Variants in NBAS observed in about 807,000 individuals in gnomAD.
NBAS encodes NBAS subunit of NRZ tethering complex.
In NBAS, 219 loss-of-function variants were observed where a neutral mutation model predicts 302.5. That is an observed-to-expected ratio of 0.72 (90% confidence interval 0.65 to 0.81). The LOEUF is 0.81. Ranked by LOEUF, NBAS falls within the 30% of genes least tolerant of loss-of-function variation. The pLI is 0.00. For synonymous variants in NBAS, 1,118 were observed against 1,021.6 expected (o/e 1.09, Z -1.80); for missense variants, 2,932 against 2,841.6 (o/e 1.03, Z -0.72).
At chr2:15,323,931 T>G (rs1671944689) in intron 38 of NBAS, among the ~76,000 whole-genome samples, 1 of 145,604 alleles carries the variant, frequency 6.9e-6, no homozygotes, top group African/African-American at 2.5e-5. Context: ...AAAAATCACC[T>G]ACAACGGATT....
At chr2:14,979,853 T>C in the NBAS span, among the ~76,000 whole-genome samples, 1 of 152,290 alleles carries the variant, frequency 6.6e-6, no homozygotes, top group Admixed American at 6.5e-5. Context: ...TGTAGGCCTG[T>C]AATTGTAACC....
chr2:15,441,311 G>T (rs1458707736), intron 21 of NBAS, among the ~76,000 whole-genome samples: 6 of 152,164 alleles, frequency 3.9e-5, no homozygotes, highest in African/African-American at 1.4e-4. Context: ...GGATCTCTCG[G>T]CAGAAACTCT....
At chr2:14,972,399 A>G in the NBAS span, among the ~76,000 whole-genome samples, 1 of 152,064 alleles carries the variant, frequency 6.6e-6, no homozygotes, top group South Asian at 2.1e-4. Context: ...AATGTTCTGC[A>G]CATGTGTCCC....
chr2:15,247,706 A>ATACCTCTATC (rs1553352029), intron 44 of NBAS, among the ~76,000 whole-genome samples: 1 of 90,942 alleles, frequency 1.1e-5, no homozygotes, highest in Non-Finnish European at 2.0e-5. Flanking sequence ...ATATCTCTCT[A>ATACCTCTATC]TATATATCTA....
the NBAS span, among the ~76,000 whole-genome samples, chr2:15,113,732 CTAAA>C: frequency 6.6e-6 from 1 of 151,770 alleles, no homozygotes; most frequent in Non-Finnish European, 1.5e-5. Context: ...TTGAAAATTA[CTAAA>C]TAAACGGAAT....
intron 41 of NBAS, among the ~76,000 whole-genome samples, chr2:15,290,044 G>GAGGGGAGAGGGGAC (rs1670233257): frequency 2.7e-5 from 4 of 149,908 alleles, no homozygotes; most frequent in Non-Finnish European, 5.9e-5. Flanking sequence ...GAGAGGAGAA[G>GAGGGGAGAGGGGAC]AGGGGAGAGG....
chr2:15,058,895 C>A, the NBAS span, among the ~76,000 whole-genome samples: 1 of 152,180 alleles, frequency 6.6e-6, no homozygotes, highest in East Asian at 1.9e-4. Flanking sequence ...AAGGCCAAAT[C>A]CCTTAGGTTT....
the NBAS span, among the ~76,000 whole-genome samples, chr2:15,095,262 C>G: frequency 6.6e-6 from 1 of 152,146 alleles, no homozygotes. Context: ...AAGACATACC[C>G]AAGACTGGGT....
rs558345111 is a variant in NBAS at position 15,302,428 on chromosome 2, T to G, written c.4797+5788A>C. Among the ~76,000 whole-genome samples, 7 of 152,308 alleles carry G rather than the reference T, an allele frequency of 4.6e-5. No homozygotes were observed. In the East Asian group the frequency reaches 1.4e-3, roughly 29 times the overall value. Reference sequence around the variant, plus strand: ...TCAGGCATCATCACTGGGCCCCATGTACTGTACTGGCTTCTGTTCCCACAG... The same window carrying G: ...TCAGGCATCATCACTGGGCCCCATGGACTGTACTGGCTTCTGTTCCCACAG... On this transcript the variant is annotated intron_variant, in intron 40 of 51. Transcript: ENST00000281513.
intron 25 of NBAS, among the ~76,000 whole-genome samples, chr2:15,407,680 G>T (rs1282693231): frequency 6.6e-6 from 1 of 152,100 alleles, no homozygotes; most frequent in Admixed American, 6.5e-5. Context: ...CAATTACACA[G>T]GTGTTCTCTT....
At chr2:15,083,692 T>C in the NBAS span, among the ~76,000 whole-genome samples, 2 of 152,190 alleles carry the variant, frequency 1.3e-5, no homozygotes, top group Non-Finnish European at 2.9e-5. Context: ...TTGTTCCAAA[T>C]TGGTATGGAT....
the NBAS span, among the ~76,000 whole-genome samples, chr2:15,095,281 A>G: frequency 1.7e-3 from 258 of 152,324 alleles, no homozygotes; most frequent in Middle Eastern, 6.8e-3. Context: ...GTAATTTACA[A>G]AAGAAAGAGG....
the NBAS span, among the ~76,000 whole-genome samples, chr2:14,838,598 T>C: frequency 3.3e-5 from 5 of 152,034 alleles, no homozygotes; most frequent in Non-Finnish European, 7.4e-5. Flanking sequence ...CATTGTCTTG[T>C]CTGTTGATGT....
chr2:15,415,788 C>G, intron 24 of NBAS, 69 bp from the exon 25 acceptor site: 1 of 1,543,480 alleles, frequency 6.5e-7, no homozygotes, highest in Non-Finnish European at 9.0e-7. Context: ...TTATATCAGA[C>G]AGCGAGTTCT....
At chr2:14,961,221 A>C in the NBAS span, among the ~76,000 whole-genome samples, 1 of 152,188 alleles carries the variant, frequency 6.6e-6, no homozygotes, top group Non-Finnish European at 1.5e-5. Context: ...TGAGAAGGAA[A>C]GGTGGGAAGG....
intron 27 of NBAS, among the ~76,000 whole-genome samples, chr2:15,395,825 T>G (rs1286822765): frequency 1.3e-5 from 2 of 152,062 alleles, no homozygotes; most frequent in African/African-American, 4.8e-5. Context: ...TAAATATTAG[T>G]AAAAATATCA....
chr2:15,336,421 T>C (rs993450264), intron 35 of NBAS, among the ~76,000 whole-genome samples: 1 of 152,152 alleles, frequency 6.6e-6, no homozygotes, highest in African/African-American at 2.4e-5. Context: ...GATTAAATGT[T>C]TGAAGATATA....
intron 44 of NBAS, among the ~76,000 whole-genome samples, chr2:15,275,245 T>C (rs913198276): frequency 1.3e-5 from 2 of 152,206 alleles, no homozygotes; most frequent in African/African-American, 4.8e-5. Flanking sequence ...TAACATGTAC[T>C]AAGTATACGT....
chr2:15,333,590 C>T (rs769610069), intron 35 of NBAS, among the ~76,000 whole-genome samples: 1 of 152,000 alleles, frequency 6.6e-6, no homozygotes, highest in Non-Finnish European at 1.5e-5. Context: ...GAAGTTATCA[C>T]AAGGTATTTT....
Sources: allele counts gnomAD v4.1 joint callset (sites outside exome capture counted in the v4.1 genomes callset), GRCh38; gene constraint gnomAD v4.1.1; transcripts MANE v1.5; gene names NCBI Gene and HGNC (gene_info 2026-07-23, HGNC 2026-07-21).